The following IGSF9 variants were observed in gnomAD, a reference collection of about 807,000 sequenced individuals.
IGSF9 encodes immunoglobulin superfamily member 9.
Under a neutral mutation model 121.7 loss-of-function variants are expected in IGSF9, and 87 were observed. The ratio of observed to expected loss-of-function variants is 0.71; its 90% CI spans 0.60 to 0.85. The LOEUF (loss-of-function observed/expected upper bound fraction) is 0.85. IGSF9 is among the 40% of genes least tolerant of loss of function. The pLI, the probability that IGSF9 is intolerant of heterozygous loss-of-function variation, is 0.00. For missense variants in IGSF9, 1,462 were observed against 1,565.3 expected (o/e 0.93, Z 1.11); for synonymous variants, 640 against 648.4 (o/e 0.99, Z 0.20).
intron 5 of IGSF9, 112 bp downstream of exon 5, chr1:159,936,642 T>A (rs778815964): frequency 5.0e-5 from 77 of 1,529,362 alleles, no homozygotes; most frequent in Non-Finnish European, 6.7e-5. Flanking sequence ...GCCCTTCTTC[T>A]GGCCCATCCT....
chr1:159,942,854 A>G, intron 3 of IGSF9, 109 bp downstream of exon 3: 2 of 820,994 alleles, frequency 2.4e-6, no homozygotes, highest in Middle Eastern at 5.5e-4. Flanking sequence ...AGAGCTGGAG[A>G]TGAGATCAGA....
At chr1:159,934,848 G>T in intron 6 of IGSF9, 26 bp from the exon 7 acceptor site, 1 of 1,613,312 alleles carries the variant, frequency 6.2e-7, no homozygotes, top group Non-Finnish European at 8.5e-7. Context: ...GGGGAGGAAG[G>T]TGGCCTCAGC....
Position 159,928,933 on chromosome 1 carries a change from G to C in IGSF9, c.2455C>G (p.Leu819Val). 6.4e-7 allele frequency: 1 copy of C among 1,562,388 alleles called. No homozygotes were observed. Among genetic ancestry groups the C allele is most frequent in the Non-Finnish European group, 8.6e-7 (1 of 1,157,084 alleles). ...GGAGTTCCGGCAGGATCCCCCCAGA[G>C]CAGACTCTGGCGCAGGCTGGGGACT... ...SPVPSLRQSLLWGDPAGTPSP... is the reference protein window; with the variant it reads ...SPVPSLRQSLVWGDPAGTPSP... Residue 819 changes from leucine (L) to valine (V), a missense_variant, in exon 19 of 21, where the codon CTC (leucine) becomes GTC (valine). Transcript: ENST00000368094.
rs1246666077 is a variant in IGSF9 at position 159,928,190 on chromosome 1, G to A, written c.3198C>T (p.Pro1066=). 4 of 1,611,206 alleles carry A rather than the reference G, an allele frequency of 2.5e-6. No individual in the cohort carries two copies. In the South Asian group the frequency reaches 4.4e-5, roughly 18 times the overall value. ...TGACTGTCACCACATGCTCCCTTCG[G>A]GGCCATCTCTCAGGGCCACTGGCCC... ...SSWASGPERW[P]RREHVVTVSK... is the part of the protein sequence containing the mutation. The change falls in exon 19 of 21, where the codon CCC becomes CCT. Residue 1066 remains proline (P), a synonymous_variant. Transcript: ENST00000368094.
intron 9 of IGSF9, 140 bp downstream of exon 9, chr1:159,934,050 G>T: frequency 9.6e-7 from 1 of 1,039,336 alleles, no homozygotes; most frequent in Non-Finnish European, 1.4e-6. Context: ...TATGCAACAT[G>T]TCTTATAACA....
chr1:159,942,548 G>A (rs1651420843), intron 3 of IGSF9, among the ~76,000 whole-genome samples: 1 of 152,216 alleles, frequency 6.6e-6, no homozygotes, highest in Non-Finnish European at 1.5e-5. Context: ...GCGCAGAGGA[G>A]TGAGCAGATA....
At chr1:159,942,912 C>T (rs1261391480) in intron 3 of IGSF9, 51 bp downstream of exon 3, 1 of 1,537,408 alleles carries the variant, frequency 6.5e-7, no homozygotes, top group Middle Eastern at 1.7e-4. Flanking sequence ...TCTACCCAGC[C>T]CACCTTTCTT....
Position 159,931,096 on chromosome 1 carries a change from G to A in IGSF9, c.1637+42C>T, listed in dbSNP as rs1650980068. 6.2e-7 allele frequency: 1 copy of A among 1,613,574 alleles called. No individual in the cohort carries two copies. The highest frequency in any genetic ancestry group is 1.3e-5 in the African/African-American group (1 of 74,912). On this transcript the variant is annotated intron_variant, in intron 13 of 20. Transcript: ENST00000368094. This position sits in a 1 kb window ranked among gnomAD's most constrained non-coding sequence, Gnocchi z 4.8. ...TAGGTTCAAGGAGGAGAGGAAAGGAGGCAAGATTGGCACAGAGAAATGGCA... is the reference window on the plus strand; with the variant it reads ...TAGGTTCAAGGAGGAGAGGAAAGGAAGCAAGATTGGCACAGAGAAATGGCA...
In IGSF9 at chr1:159,937,564, G is replaced by A. The variant is rs186185715; in HGVS notation, c.400+122C>T. ...GCAAACAAGGGCTCTCAGGAAGGGT[G>A]GGGCATCAGAGCTGTTTGTGGGATG... is the stretch of plus-strand genomic sequence containing the variant. On this transcript the variant is annotated intron_variant, in intron 4 of 20. Coordinates refer to ENST00000368094, the MANE Select transcript of IGSF9 (RefSeq NM_001135050.2). 2.3e-5 allele frequency: 25 copies of A among 1,064,358 alleles called. No individual in the cohort carries two copies. The East Asian group carries it at 5.6e-4, about 24-fold the overall frequency. 65.9% of individuals were successfully genotyped at this position (1,064,358 alleles called of 1,614,324 possible).
At chr1:159,930,490 C>T in intron 14 of IGSF9, 51 bp from the exon 15 acceptor site, 2 of 1,518,274 alleles carry the variant, frequency 1.3e-6, no homozygotes, top group Admixed American at 2.2e-5. Context: ...GCGCCCCTCC[C>T]CTGGCCTTCC....
In IGSF9 at chr1:159,927,091, C is replaced by CAG; in HGVS notation, c.*253_*254insCT. The CAG allele has an allele frequency of 1.8e-6, 1 of 540,832 alleles. No homozygotes were observed. The highest frequency in any genetic ancestry group is 3.3e-6 in the Non-Finnish European group (1 of 306,396). 33.5% of individuals were successfully genotyped at this position (540,832 alleles called of 1,614,324 possible). A position where few individuals can be genotyped will look rare whatever the true frequency, so the allele number is the denominator to read the frequency against. ...GTAAAAAACTTCACACACACACACA[C>CAG]ACACACAGAGAGAGAGAGAGAGAGA... On this transcript the variant is annotated 3_prime_UTR_variant, in exon 21 of 21. Coordinates refer to ENST00000368094, the MANE Select transcript of IGSF9 (RefSeq NM_001135050.2).
rs768516231 is a variant in IGSF9, at chr1:159,932,582, T to G, written c.1175A>C (p.Glu392Ala). ...IALGNEDALG[E>A]YSCTPYNSLG... ...ACTGTTGTAGGGGGTGCAGGAGTAT[T>G]CTCCCAGGGCATCCTCGTTCCCCAG... Residue 392 changes from glutamate to alanine, a missense_variant, in exon 10 of 21, where the codon GAA becomes GCA. Glu to Ala is a moderately radical substitution (Grantham distance 107). This residue lies in a region of IGSF9 where 558 missense variants were observed against 599.4 expected (regional missense o/e 0.93). Transcript: ENST00000368094. The surrounding 1 kb of genome is among the most constrained non-coding windows in gnomAD (Gnocchi z 4.1). 6.2e-7 allele frequency: 1 copy of G among 1,613,950 alleles called. No homozygotes were observed. The highest frequency in any genetic ancestry group is 2.2e-5 in the East Asian group (1 of 44,864).
intron 6 of IGSF9, among the ~76,000 whole-genome samples, chr1:159,935,098 A>C (rs10797054): frequency 0.31 from 47,078 of 151,936 alleles, 7,837 homozygotes; most frequent in East Asian, 0.46. Flanking sequence ...TGTTTGGGGG[A>C]GTCAGTTTAA....
At chr1:159,928,108 T>C (rs371265984) in intron 19 of IGSF9, 50 bp downstream of exon 19, 226 of 1,581,320 alleles carry the variant, frequency 1.4e-4, no homozygotes, top group Non-Finnish European at 1.8e-4. Flanking sequence ...GGGTGAGAGG[T>C]CTGGGGTGGG....
At chr1:159,943,874 G>A (rs1651496520) in intron 1 of IGSF9, among the ~76,000 whole-genome samples, 1 of 152,226 alleles carries the variant, frequency 6.6e-6, no homozygotes, top group East Asian at 1.9e-4. Flanking sequence ...GGAGAGTTGG[G>A]AAGGTCTTAG....
Position 159,928,880 on chromosome 1 carries a change from G to T in IGSF9, c.2508C>A (p.Ser836Arg), listed in dbSNP as rs1191787764. 1 of 1,594,546 alleles carries T rather than the reference G, an allele frequency of 6.3e-7. No homozygotes were observed. Among genetic ancestry groups the T allele is most frequent in the Non-Finnish European group, 8.5e-7 (1 of 1,171,178 alleles). The change falls in exon 19 of 21, where the codon AGC (serine) becomes AGA (arginine). Residue 836 changes from serine (S) to arginine (R), a missense_variant. Physicochemically the swap from Ser to Arg is moderately radical, Grantham distance 110. Around this residue, in one of 3 missense-constraint regions of IGSF9, gnomAD observed 808 missense variants for 815.2 expected, o/e 0.99. Coordinates refer to ENST00000368094, the MANE Select transcript of IGSF9 (RefSeq NM_001135050.2). ...TPSPHPDPPSSRGPLPLEPIC... is the reference protein window; with the variant it reads ...TPSPHPDPPSRRGPLPLEPIC... ...TGGGCTCCAGAGGTAAGGGTCCCCG[G>T]CTAGATGGAGGATCCGGGTGGGGGC...
rs1490854634 is a variant in IGSF9 at position 159,928,279 on chromosome 1, G to A, written c.3109C>T (p.Pro1037Ser). 6.2e-7 allele frequency: 1 copy of A among 1,612,744 alleles called. No individual in the cohort carries two copies. Among genetic ancestry groups the A allele is most frequent in the Admixed American group, 1.7e-5 (1 of 59,962 alleles). ...CCTCCTGCAGAGGGGGCTGTGGAGG[G>A]GGGCCGCAGGAACGAAGCGCTGCCT... ...GRGSASFLRPPSTAPSAGGSY... is the reference protein window; with the variant it reads ...GRGSASFLRPSSTAPSAGGSY... The change falls in exon 19 of 21, where the codon CCC becomes TCC. Residue 1037 changes from proline to serine, a missense_variant. Physicochemically the swap from Pro to Ser is moderately conservative, Grantham distance 74. Around this residue, in one of 3 missense-constraint regions of IGSF9, gnomAD observed 808 missense variants for 815.2 expected, o/e 0.99. Transcript: ENST00000368094.
At chr1:159,934,396 G>T (rs367614709) in intron 8 of IGSF9, 29 bp downstream of exon 8, 31 of 1,569,662 alleles carry the variant, frequency 2.0e-5, no homozygotes, top group Non-Finnish European at 2.7e-5. Context: ...AAGGGAGCAG[G>T]CTGAGGGAGA....
rs1474056353 is a variant in IGSF9 at position 159,928,690 on chromosome 1, T to G, written c.2698A>C (p.Ile900Leu). 1 of 1,479,578 alleles carries G rather than the reference T, an allele frequency of 6.8e-7. No individual in the cohort carries two copies. Among genetic ancestry groups the G allele is most frequent in the East Asian group, 2.4e-5 (1 of 41,460 alleles). The allele number at this position is 1,479,578 out of a possible 1,614,324, so 91.7% of individuals were successfully genotyped here. A position where few individuals can be genotyped will look rare whatever the true frequency, so the allele number is the denominator to read the frequency against. Residue 900 changes from isoleucine (I) to leucine (L), a missense_variant, in exon 19 of 21, where the codon ATT (isoleucine) becomes CTT (leucine). By Grantham distance (5) the Ile-to-Leu change is conservative. Transcript: ENST00000368094. Reference sequence around the variant, plus strand: ...GGTGCCACAGGGCTGATGTCTTCAATGCAGAGGGGCTGGGGTGCCCCACTG... The same window carrying G: ...GGTGCCACAGGGCTGATGTCTTCAAGGCAGAGGGGCTGGGGTGCCCCACTG... ...SPSGAPQPLC[I>L]EDISPVAPPP... is the part of the protein sequence containing the mutation.
Sources: allele counts gnomAD v4.1 joint callset (sites outside exome capture counted in the v4.1 genomes callset), GRCh38; gene constraint gnomAD v4.1.1; regional missense constraint gnomAD v4.1.1; non-coding constraint Gnocchi (gnomAD v3.1); transcripts MANE v1.5; gene names NCBI Gene and HGNC (gene_info 2026-07-23, HGNC 2026-07-21).